DORIP1: variants seen among roughly 807,000 people sequenced by gnomAD.
DORIP1 encodes dopamine receptor-interacting protein 1.
chr14:44,900,358 T>C, the DORIP1 span: 1 of 1,255,794 alleles, frequency 8.0e-7, no homozygotes. Context: ...ATGGATTTAT[T>C]TTCGTTTAAA....
the DORIP1 span, chr14:44,906,342 G>A: frequency 4.6e-5 from 7 of 151,832 alleles, no homozygotes; most frequent in Non-Finnish European, 8.8e-5. Flanking sequence ...AACAATATTA[G>A]GCAACTGGAT....
At chr14:44,905,455 G>C in the DORIP1 span, 53 of 1,575,444 alleles carry the variant, frequency 3.4e-5, no homozygotes, top group Middle Eastern at 1.7e-4. Flanking sequence ...GATGCACTAT[G>C]ATGGGCTCAG....
the DORIP1 span, chr14:44,904,014 G>T: frequency 1.0e-6 from 1 of 982,262 alleles, no homozygotes; most frequent in Non-Finnish European, 1.2e-6. Context: ...CATGCTTATA[G>T]TCGAGTCTAA....
chr14:44,900,576 C>G, the DORIP1 span: 3 of 1,611,322 alleles, frequency 1.9e-6, no homozygotes, highest in South Asian at 2.2e-5. Flanking sequence ...GTACACCACT[C>G]TATGTTGAAA....
the DORIP1 span, chr14:44,900,413 G>T: frequency 1.4e-6 from 2 of 1,430,708 alleles, no homozygotes; most frequent in Non-Finnish European, 1.8e-6. Flanking sequence ...TATGTGTTCT[G>T]TTTTAAACTT....
the DORIP1 span, among the ~76,000 whole-genome samples, chr14:44,897,981 G>C: frequency 6.6e-6 from 1 of 152,176 alleles, no homozygotes; most frequent in African/African-American, 2.4e-5. Context: ...CATGTGGTGG[G>C]GTCCTCACGG....
chr14:44,899,284 G>C, the DORIP1 span: 1 of 152,182 alleles, frequency 6.6e-6, no homozygotes. Flanking sequence ...AAGAGTGCCA[G>C]TTTGAAAAGG....
the DORIP1 span, among the ~76,000 whole-genome samples, chr14:44,900,000 T>A: frequency 6.6e-6 from 1 of 151,774 alleles, no homozygotes; most frequent in Non-Finnish European, 1.5e-5. Flanking sequence ...CCCAGCTAAT[T>A]TTGTATTTTT....
the DORIP1 span, chr14:44,903,056 T>C: frequency 1.8e-6 from 1 of 547,628 alleles, no homozygotes; most frequent in Non-Finnish European, 3.3e-6. Flanking sequence ...CTGGTTTCTA[T>C]ACTATCTGCA....
the DORIP1 span, chr14:44,900,602 C>A: frequency 3.1e-6 from 5 of 1,609,888 alleles, no homozygotes; most frequent in Admixed American, 8.5e-5. Context: ...CTGAAAAATA[C>A]CTGCACCATA....
the DORIP1 span, chr14:44,903,262 T>C: frequency 6.2e-7 from 1 of 1,613,524 alleles, no homozygotes; most frequent in South Asian, 1.1e-5. Flanking sequence ...GAATGAGTTA[T>C]TCTGTTCCAA....
chr14:44,906,635 A>G, the DORIP1 span: 2 of 152,608 alleles, frequency 1.3e-5, no homozygotes, highest in African/African-American at 4.8e-5. Flanking sequence ...TAAGGGAAAA[A>G]ATATTCTCAA....
chr14:44,905,387 CATT>C, the DORIP1 span: 3 of 1,531,296 alleles, frequency 2.0e-6, no homozygotes, highest in Non-Finnish European at 1.8e-6. Context: ...GAAGGTGCCA[CATT>C]ATTTAACAAA....
chr14:44,899,349 T>C, the DORIP1 span: 3 of 152,240 alleles, frequency 2.0e-5, no homozygotes, highest in African/African-American at 7.2e-5. Context: ...AGGATATTTA[T>C]CAAGTTCTGA....
At chr14:44,899,823 A>ATTTTTTTTTTTTTTTTTTTTT in the DORIP1 span, among the ~76,000 whole-genome samples, 3 of 134,446 alleles carry the variant, frequency 2.2e-5, no homozygotes, top group African/African-American at 1.0e-4. Context: ...TTCATTTAGG[A>ATTTTTTTTTTTTTTTTTTTTT]ATTTTTTTTT....
At chr14:44,905,596 CCCA>C in the DORIP1 span, 1 of 1,322,434 alleles carries the variant, frequency 7.6e-7, no homozygotes, top group Non-Finnish European at 1.0e-6. Context: ...CCCATGCTCT[CCCA>C]GATGAAGGGC....
chr14:44,904,361 G>A, the DORIP1 span: 3 of 1,591,798 alleles, frequency 1.9e-6, no homozygotes, highest in Admixed American at 3.6e-5. Context: ...TTTGTCCCAA[G>A]TGTAATAATG....
the DORIP1 span, chr14:44,904,403 G>C: frequency 6.2e-7 from 1 of 1,610,876 alleles, no homozygotes; most frequent in Non-Finnish European, 8.5e-7. Context: ...AGGTGTGGTG[G>C]CTTAAGAGAA....
chr14:44,904,250 T>G, the DORIP1 span: 5 of 1,366,254 alleles, frequency 3.7e-6, no homozygotes, highest in Non-Finnish European at 4.7e-6. Context: ...AAGGTAGTAA[T>G]TACCCTATAA....
Sources: allele counts gnomAD v4.1 joint callset (sites outside exome capture counted in the v4.1 genomes callset), GRCh38; gene constraint gnomAD v4.1.1; transcripts MANE v1.5; gene names NCBI Gene and HGNC (gene_info 2026-07-23, HGNC 2026-07-21).